Variants in SACS observed in about 807,000 individuals in gnomAD.
SACS encodes the protein sacsin molecular chaperone.
Under a neutral mutation model 348.0 loss-of-function variants are expected in SACS, and 197 were observed. That is an observed-to-expected ratio of 0.57 (90% confidence interval 0.50 to 0.64). The LOEUF (loss-of-function observed/expected upper bound fraction) is 0.64, where lower values mean the gene tolerates loss of function less well. Among genes scored for constraint, SACS ranks in the 30% least tolerant of loss-of-function variants. SACS has a pLI of 0.00. For synonymous variants in SACS, 1,985 were observed against 1,910.6 expected (o/e 1.04, Z -1.02); for missense variants, 4,999 against 5,360.8 (o/e 0.93, Z 2.11).
intron 9 of SACS, among the ~76,000 whole-genome samples, chr13:23,350,856 T>C (rs1166457462): frequency 1.3e-5 from 2 of 152,152 alleles, no homozygotes; most frequent in African/African-American, 4.8e-5. Flanking sequence ...GATTGGTAAG[T>C]TGAGAAAAAG....
At chr13:23,418,218 A>G (rs1873762717) in intron 1 of SACS, among the ~76,000 whole-genome samples, 2 of 152,140 alleles carry the variant, frequency 1.3e-5, no homozygotes, top group African/African-American at 4.8e-5. Context: ...AAAAGAAACA[A>G]CCTAAGAGAA....
At chr13:23,368,603 T>C in intron 4 of SACS, 116 bp from the exon 5 acceptor site, 1 of 731,160 alleles carries the variant, frequency 1.4e-6, no homozygotes, top group Non-Finnish European at 2.4e-6. Flanking sequence ...TGCATATATC[T>C]CACTGCAGCA....
intron 1 of SACS, among the ~76,000 whole-genome samples, chr13:23,423,439 A>G (rs1291591512): frequency 6.6e-6 from 1 of 152,208 alleles, no homozygotes; most frequent in Non-Finnish European, 1.5e-5. Context: ...ACAAAAAACA[A>G]TCTATGTGCG....
chr13:23,353,632 C>G lies in SACS; in HGVS notation c.2185+153G>C, dbSNP rs1363276946. ...TAGACAGCATCTCTTAGATGCCATT[C>G]TGGCAACTGAAATATCTTAAAACAC... On this transcript the variant is annotated intron_variant, in intron 9 of 9. Coordinates refer to ENST00000382292, the MANE Select transcript of SACS (RefSeq NM_014363.6). 6 of 593,480 alleles carry G rather than the reference C, an allele frequency of 1.0e-5. No homozygotes were observed. The African/African-American group carries it at 1.1e-4, about 11-fold the overall frequency. The allele number at this position is 593,480 out of a possible 1,614,324, so 36.8% of individuals were successfully genotyped here.
chr13:23,383,535 G>T (rs769989196), intron 2 of SACS, among the ~76,000 whole-genome samples: 1 of 152,050 alleles, frequency 6.6e-6, no homozygotes, highest in Admixed American at 6.6e-5. Flanking sequence ...AGCTCTGCAG[G>T]CCTGTTCATG....
At chr13:23,347,979 T>G (rs1277213725) in intron 9 of SACS, among the ~76,000 whole-genome samples, 1 of 152,206 alleles carries the variant, frequency 6.6e-6, no homozygotes, top group Non-Finnish European at 1.5e-5. Flanking sequence ...GGTTACGGAT[T>G]TTGGTCTCAT....
chr13:23,334,704 G>C lies in SACS; in HGVS notation c.9172C>G (p.Leu3058Val). ...CCAATTTCTAAAAGGAGATGTTTCA[G>C]CCTATAGACATTCTCTGCTACTGTT... ...RKTVAENVYR[L>V]KHLLLEIGFN... The change falls in exon 10 of 10, where the codon CTG becomes GTG. Residue 3058 changes from leucine to valine, a missense_variant. Transcript: ENST00000382292. The C allele has an allele frequency of 6.2e-7, 1 of 1,613,710 alleles. No individual in the cohort carries two copies. Among genetic ancestry groups the C allele is most frequent in the Non-Finnish European group, 8.5e-7 (1 of 1,179,750 alleles).
In SACS at chr13:23,354,621, A is replaced by C; in HGVS notation, c.1991T>G (p.Leu664Arg). Residue 664 changes from leucine to arginine, a missense_variant, in exon 8 of 10, where the codon CTT becomes CGT. Leu to Arg is a moderately radical substitution (Grantham distance 102, BLOSUM62 -2). Transcript: ENST00000382292. ...VLSDQAYSEL[L>R]GLELLPLQNG... ...TTGTAAAGGGAGCAGCTCCAGCCCAAGCAGCTCACTGTAGGCTTGGTCAGA... is the reference window on the plus strand; with the variant it reads ...TTGTAAAGGGAGCAGCTCCAGCCCACGCAGCTCACTGTAGGCTTGGTCAGA... 6.2e-7 allele frequency: 1 copy of C among 1,614,260 alleles called. No homozygotes were observed. The highest frequency in any genetic ancestry group is 8.5e-7 in the Non-Finnish European group (1 of 1,180,048).
At position 23,329,054 on chromosome 13, in the gene SACS, C is replaced by A; in HGVS notation, c.*1082G>T. 1 of 182,270 alleles carries A rather than the reference C, an allele frequency of 5.5e-6. No homozygotes were observed. The highest frequency in any genetic ancestry group is 1.1e-5 in the Non-Finnish European group (1 of 88,950). The allele number at this position is 182,270 out of a possible 1,614,324, so 11.3% of individuals were successfully genotyped here. A position where few individuals can be genotyped will look rare whatever the true frequency, so the allele number is the denominator to read the frequency against. On this transcript the variant is annotated 3_prime_UTR_variant, in exon 10 of 10. Transcript: ENST00000382292. ...ACTTATATAAACTAATTATCATTAC[C>A]TTTTACATTCTGCAAAAGAAATATG...
intron 2 of SACS, among the ~76,000 whole-genome samples, chr13:23,406,352 G>T (rs1189810241): frequency 6.6e-6 from 1 of 151,890 alleles, no homozygotes; most frequent in African/African-American, 2.4e-5. Flanking sequence ...ACACGGTGGG[G>T]GGAAACACCA....
chr13:23,340,174 CCAAT>C lies in SACS; in HGVS notation c.3698_3701del (p.Asp1233GlyfsTer30). ...CATCACTAAAGGTTTTTGAAGAATACCAATCAACAACAATTTTAAAGTGTTTTAA... is the reference window on the plus strand; with the variant it reads ...CATCACTAAAGGTTTTTGAAGAATACCAACAACAATTTTAAAGTGTTTTAA... On this transcript the variant is annotated frameshift_variant, in exon 10 of 10. Coordinates refer to ENST00000382292, the MANE Select transcript of SACS (RefSeq NM_014363.6). LOFTEE classifies it high-confidence loss of function. The C allele has an allele frequency of 6.2e-7, 1 of 1,612,866 alleles. No homozygotes were observed. Among genetic ancestry groups the C allele is most frequent in the Non-Finnish European group, 8.5e-7 (1 of 1,179,376 alleles).
chr13:23,341,135 C>T lies in SACS; in HGVS notation c.2741G>A (p.Ser914Asn). ...TTGAATAATTCTTTTCTCTTTCTCA[C>T]TGCTATCGGTTAAACTAGCCAAGAA... ...RKFLASLTDS[S>N]EKEKRIIQEL... The change falls in exon 10 of 10, where the codon AGT becomes AAT. Residue 914 changes from serine (S) to asparagine (N), a missense_variant. Physicochemically the swap from Ser to Asn is conservative, Grantham distance 46. Transcript: ENST00000382292. The T allele has an allele frequency of 6.2e-7, 1 of 1,613,320 alleles. No individual in the cohort carries two copies. Among genetic ancestry groups the T allele is most frequent in the Non-Finnish European group, 8.5e-7 (1 of 1,179,960 alleles).
rs1883707738 is a variant in SACS at position 23,334,574 on chromosome 13, A to G, written c.9302T>C (p.Phe3101Ser). The change falls in exon 10 of 10, where the codon TTT (phenylalanine) becomes TCT (serine). Residue 3101 changes from phenylalanine to serine, a missense_variant. Phe to Ser is a radical substitution (Grantham distance 155). Around this residue, in one of 6 missense-constraint regions of SACS, gnomAD observed 734 missense variants for 694.0 expected, o/e 1.06. Transcript: ENST00000382292. The stretch of plus-strand genomic sequence containing the variant: ...GTCAGGAGAGGAAAATGTCATTAAA[A>G]AAGATCTGATATCAGCAGGGGTCAC... ...SYVTPADIRS[F>S]LMTFSSPDTN... 3 of 1,613,502 alleles carry G rather than the reference A, an allele frequency of 1.9e-6. No homozygotes were observed. Among genetic ancestry groups the G allele is most frequent in the Non-Finnish European group, 2.5e-6 (3 of 1,179,792 alleles).
Position 23,353,866 on chromosome 13 carries a change from G to A in SACS, c.2104C>T (p.Pro702Ser). 1 of 1,594,436 alleles carries A rather than the reference G, an allele frequency of 6.3e-7. No individual in the cohort carries two copies. ...AAAATAAATCTTCCTTCAAGACTTG[G>A]GAAAAGGGACCTGAAAAGGGAAAGG... Reference protein sequence around the residue: ...TSAEYPRSLFPSLEGRFILDN... With the variant: ...TSAEYPRSLFSSLEGRFILDN... The change falls in exon 9 of 10, where the codon CCA (proline) becomes TCA (serine). Residue 702 changes from proline to serine, a missense_variant. Coordinates refer to ENST00000382292, the MANE Select transcript of SACS (RefSeq NM_014363.6).
Position 23,329,827 on chromosome 13 carries a change from C to T in SACS, c.*309G>A. 2.0e-6 allele frequency: 1 copy of T among 492,482 alleles called. No homozygotes were observed. The highest frequency in any genetic ancestry group is 3.6e-6 in the Non-Finnish European group (1 of 276,898). The allele number at this position is 492,482 out of a possible 1,614,324, so 30.5% of individuals were successfully genotyped here. ...TAACTTCATCCTAACCAGAGACATA[C>T]ATAGACTCTTATCTAACAAACTGCT... On this transcript the variant is annotated 3_prime_UTR_variant, in exon 10 of 10. Coordinates refer to ENST00000382292, the MANE Select transcript of SACS (RefSeq NM_014363.6).
rs1871673221 is a variant in SACS at position 23,375,184 on chromosome 13, C to CCTTCACATCG, written c.96_105dup (p.Glu36ArgfsTer28). The CCTTCACATCG allele has an allele frequency of 6.6e-7, 1 of 1,506,360 alleles. No homozygotes were observed. Among genetic ancestry groups the CCTTCACATCG allele is most frequent in the African/African-American group, 1.5e-5 (1 of 68,664 alleles). 93.3% of individuals were successfully genotyped at this position (1,506,360 alleles called of 1,614,324 possible). On this transcript the variant is annotated frameshift_variant, in exon 3 of 10. Coordinates refer to ENST00000382292, the MANE Select transcript of SACS (RefSeq NM_014363.6). LOFTEE classifies it high-confidence loss of function. Reference sequence around the variant, plus strand: ...AAGCCAGTCTCCGCGAAGATACGTTCCTTCACATCGCGCACGGTCCAGGAC... The same window carrying CCTTCACATCG: ...AAGCCAGTCTCCGCGAAGATACGTTCCTTCACATCGCTTCACATCGCGCACGGTCCAGGAC...
chr13:23,348,525 C>CA (rs1869754848), intron 9 of SACS, among the ~76,000 whole-genome samples: 1 of 152,184 alleles, frequency 6.6e-6, no homozygotes, highest in South Asian at 2.1e-4. Flanking sequence ...CCCTTGCTCT[C>CA]AAGGATGTTG....
intron 9 of SACS, among the ~76,000 whole-genome samples, chr13:23,351,397 G>A (rs1335324815): frequency 6.6e-6 from 1 of 152,124 alleles, no homozygotes. Flanking sequence ...GAAGGACCCG[G>A]TGGGAGATAA....
chr13:23,333,290 T>A lies in SACS; in HGVS notation c.10586A>T (p.Asp3529Val). The A allele has an allele frequency of 1.2e-6, 2 of 1,605,740 alleles. No individual in the cohort carries two copies. The highest frequency in any genetic ancestry group is 1.7e-6 in the Non-Finnish European group (2 of 1,177,446). The change falls in exon 10 of 10, where the codon GAT (aspartate) becomes GTT (valine). Residue 3529 changes from aspartate (D) to valine (V), a missense_variant. By Grantham distance (152) the Asp-to-Val change is radical (BLOSUM62 -3). Transcript: ENST00000382292. ...EKLESLLIIH[D>V]ANSRLKQAKH... ...TGCTTGCTTTAGTCTACTGTTAGCA[T>A]CATGGATTATCAATAAACTTTCCAG...
Sources: allele counts gnomAD v4.1 joint callset (sites outside exome capture counted in the v4.1 genomes callset), GRCh38; gene constraint gnomAD v4.1.1; regional missense constraint gnomAD v4.1.1; transcripts MANE v1.5; gene names NCBI Gene and HGNC (gene_info 2026-07-23, HGNC 2026-07-21).